The following IL1RAP variants were observed in gnomAD, a reference collection of about 807,000 sequenced individuals.
IL1RAP encodes the protein interleukin 1 receptor accessory protein, also known as interleukin-1 receptor accessory protein.
Under a neutral mutation model 60.7 loss-of-function variants are expected in IL1RAP, and 35 were observed. The observed-to-expected ratio is 0.58, with a 90% CI of 0.44 to 0.76. The LOEUF is 0.76. IL1RAP is among the 30% of genes least tolerant of loss of function. The pLI, the probability that IL1RAP is intolerant of heterozygous loss-of-function variation, is 0.00. For synonymous variants in IL1RAP, 268 were observed against 250.9 expected (o/e 1.07, Z -0.64); for missense variants, 572 against 693.9 (o/e 0.82, Z 1.97).
rs199730942 is a variant in IL1RAP, at chr3:190,597,107, A to G, written c.65-7021A>G. Among the ~76,000 whole-genome samples, 8 of 152,180 alleles carry G rather than the reference A, an allele frequency of 5.3e-5. No homozygotes were observed. The East Asian group carries it at 1.5e-3, about 29-fold the overall frequency. On this transcript the variant is annotated intron_variant, in intron 3 of 11. Transcript: ENST00000447382. ...CACACATATTCATTTGGTCCATGAAACATCATGTAAGGGAGATACATGGCA... is the reference window on the plus strand; with the variant it reads ...CACACATATTCATTTGGTCCATGAAGCATCATGTAAGGGAGATACATGGCA...
chr3:190,611,666 G>A (rs1216687186), intron 5 of IL1RAP, among the ~76,000 whole-genome samples: 1 of 152,160 alleles, frequency 6.6e-6, no homozygotes, highest in Non-Finnish European at 1.5e-5. Context: ...CCGTGACGAA[G>A]GCCTTCAGGA....
At chr3:190,563,028 C>T (rs1012574615) in intron 2 of IL1RAP, among the ~76,000 whole-genome samples, 8 of 152,026 alleles carry the variant, frequency 5.3e-5, no homozygotes, top group East Asian at 1.9e-4. Context: ...AGAGAGGTGA[C>T]GGGAGTTGGA....
rs543219987 is a variant in IL1RAP at position 190,596,521 on chromosome 3, G to A, written c.65-7607G>A. 5.3e-5 allele frequency among the ~76,000 whole-genome samples: 8 copies of A among 152,300 alleles called. No individual in the cohort carries two copies. The South Asian group carries it at 6.2e-4, about 12-fold the overall frequency. ...ATAAATGCTAATTGCTGTCAGGAGC[G>A]TGGGTTGGATCTTCCAGTGACTTGG... On this transcript the variant is annotated intron_variant, in intron 3 of 11. Transcript: ENST00000447382.
chr3:190,519,312 A>G (rs11719243), intron 1 of IL1RAP, among the ~76,000 whole-genome samples: 44,431 of 152,080 alleles, frequency 0.29, 6,727 homozygotes, highest in Middle Eastern at 0.41. Flanking sequence ...ATTTTTCTGA[A>G]CAAACAAAGA....
downstream of IL1RAP, chr3:190,656,370 C>G (rs76034421): frequency 1.1e-3 from 1,748 of 1,537,242 alleles, 27 homozygotes; most frequent in East Asian, 0.035. Flanking sequence ...CCTCCGCCAC[C>G]TGCCGCTGTT....
In IL1RAP at chr3:190,641,984, G is replaced by C. The variant is rs754742858; in HGVS notation, c.1052-2264G>C. Among the ~76,000 whole-genome samples, 18 of 152,132 alleles carry C rather than the reference G, an allele frequency of 1.2e-4. 1 individual carries two copies. The highest frequency in any genetic ancestry group is 1.9e-4 in the Non-Finnish European group (13 of 68,022). On this transcript the variant is annotated intron_variant, in intron 9 of 11. Coordinates refer to ENST00000447382, the MANE Select transcript of IL1RAP (RefSeq NM_002182.4). Reference sequence around the variant, plus strand: ...CATGGAAGGAGTAGAAGAGTACCTGGTAATAATTTTGCACTGCTAAGTCCC... The same window carrying C: ...CATGGAAGGAGTAGAAGAGTACCTGCTAATAATTTTGCACTGCTAAGTCCC...
downstream of IL1RAP, among the ~76,000 whole-genome samples, chr3:190,652,573 C>G (rs1734451088): frequency 6.6e-6 from 1 of 152,124 alleles, no homozygotes; most frequent in African/African-American, 2.4e-5. Context: ...GCAAACCAGC[C>G]CCAAAAGTGT....
chr3:190,531,433 C>T (rs1722977059), intron 1 of IL1RAP, among the ~76,000 whole-genome samples: 1 of 152,092 alleles, frequency 6.6e-6, no homozygotes, highest in East Asian at 1.9e-4. Context: ...GGACACCAAA[C>T]ACAGGGTAAA....
intron 1 of IL1RAP, chr3:190,550,642 A>T (rs1724783965): frequency 6.6e-6 from 1 of 152,222 alleles, no homozygotes; most frequent in Non-Finnish European, 1.5e-5. Flanking sequence ...CAGAATTTGC[A>T]CGATAATTGC....
intron 1 of IL1RAP, among the ~76,000 whole-genome samples, chr3:190,555,112 A>G (rs1176471719): frequency 6.6e-6 from 1 of 152,142 alleles, no homozygotes; most frequent in Non-Finnish European, 1.5e-5. Context: ...TAAGGGGAGA[A>G]AACCTCAGAT....
intron 7 of IL1RAP, among the ~76,000 whole-genome samples, chr3:190,627,036 ACT>A (rs1577769505): frequency 6.6e-6 from 1 of 151,976 alleles, no homozygotes; most frequent in African/African-American, 2.4e-5. Flanking sequence ...AAAAATGGTC[ACT>A]CTGGTAATTT....
At chr3:190,563,132 T>C (rs1036699318) in intron 2 of IL1RAP, among the ~76,000 whole-genome samples, 1 of 152,236 alleles carries the variant, frequency 6.6e-6, no homozygotes, top group Non-Finnish European at 1.5e-5. Context: ...AATTGGCCCA[T>C]TTTAAATGAT....
chr3:190,528,546 C>T (rs117900164), intron 1 of IL1RAP, among the ~76,000 whole-genome samples: 2,449 of 152,250 alleles, frequency 0.016, 56 homozygotes, highest in East Asian at 0.11. Context: ...AATTCATTTA[C>T]TCTTTTGGAC....
At chr3:190,575,538 G>C (rs561466391) in intron 3 of IL1RAP, among the ~76,000 whole-genome samples, 16 of 152,308 alleles carry the variant, frequency 1.1e-4, no homozygotes, top group Admixed American at 3.9e-4. Context: ...TGAGAATTGA[G>C]GGATGAGAAA....
At chr3:190,564,081 A>G (rs1330883897) in intron 2 of IL1RAP, 2 of 553,350 alleles carry the variant, frequency 3.6e-6, no homozygotes, top group Non-Finnish European at 6.5e-6. Context: ...TCTGCATGTA[A>G]TATGGGAATT....
chr3:190,634,756 C>T (rs1372395371), intron 9 of IL1RAP, among the ~76,000 whole-genome samples: 6 of 141,192 alleles, frequency 4.2e-5, no homozygotes, highest in African/African-American at 1.7e-4. Flanking sequence ...CGCTCTTTCG[C>T]CCAGGCTGGA....
intron 3 of IL1RAP, among the ~76,000 whole-genome samples, chr3:190,566,364 G>A (rs1310242457): frequency 1.3e-5 from 2 of 152,134 alleles, no homozygotes; most frequent in Non-Finnish European, 2.9e-5. Flanking sequence ...AAGAGGGACA[G>A]GTGACTGTGT....
intron 3 of IL1RAP, among the ~76,000 whole-genome samples, chr3:190,567,999 C>A (rs545093691): frequency 8.5e-5 from 13 of 152,150 alleles, no homozygotes; most frequent in Admixed American, 6.5e-4. Flanking sequence ...AATTTTGGAA[C>A]CTGTGATCCC....
At chr3:190,646,138 A>G (rs965185787) in intron 11 of IL1RAP, among the ~76,000 whole-genome samples, 1 of 152,192 alleles carries the variant, frequency 6.6e-6, no homozygotes, top group Non-Finnish European at 1.5e-5. Flanking sequence ...CATCCTGTTT[A>G]TTCACATTTA....
Sources: gnomAD v4.1 joint callset for allele counts (sites outside exome capture counted in the v4.1 genomes callset) on GRCh38, gnomAD v4.1.1 for gene constraint, MANE v1.5 for transcripts, NCBI Gene and HGNC (gene_info 2026-07-23, HGNC 2026-07-21) for gene names.